Variants in CDK14 observed in about 807,000 individuals in gnomAD.
CDK14 encodes cyclin-dependent kinase 14.
CDK14 carries 34 observed loss-of-function variants against 60.7 expected under a neutral mutation model. The ratio of observed to expected loss-of-function variants is 0.56; its 90% CI spans 0.43 to 0.75. CDK14 has a LOEUF of 0.75. Ranked by LOEUF, CDK14 falls within the 30% of genes least tolerant of loss-of-function variation. The pLI is 0.00. For missense variants in CDK14, 482 were observed against 564.1 expected (o/e 0.85, Z 1.47); for synonymous variants, 197 against 203.7 (o/e 0.97, Z 0.28).
At chr7:90,695,345 C>CTA (rs1375768628) in intron 2 of CDK14, among the ~76,000 whole-genome samples, 4 of 152,228 alleles carry the variant, frequency 2.6e-5, no homozygotes, top group East Asian at 1.9e-4. Context: ...GGCGTCATAC[C>CTA]ATGTGTATTA....
intron 8 of CDK14, among the ~76,000 whole-genome samples, 157 bp downstream of exon 8, chr7:90,917,881 A>G (rs1379362052): frequency 6.6e-6 from 1 of 151,962 alleles, no homozygotes; most frequent in Non-Finnish European, 1.5e-5. Context: ...TTTTAATGAT[A>G]GCATAAAATA....
chr7:90,992,063 G>A (rs1310632911), intron 10 of CDK14, among the ~76,000 whole-genome samples: 2 of 152,232 alleles, frequency 1.3e-5, no homozygotes, highest in Non-Finnish European at 2.9e-5. Flanking sequence ...AGTGGTTCAT[G>A]TGTGGAGACA....
chr7:90,676,489 T>C (rs1436575751), intron 2 of CDK14, among the ~76,000 whole-genome samples: 1 of 151,452 alleles, frequency 6.6e-6, no homozygotes, highest in East Asian at 1.9e-4. Context: ...TGGGTCATGG[T>C]TGGCATCTGC....
chr7:90,610,243 G>A (rs1203422969), intron 2 of CDK14, among the ~76,000 whole-genome samples: 1 of 152,106 alleles, frequency 6.6e-6, no homozygotes, highest in Non-Finnish European at 1.5e-5. Flanking sequence ...CATTTGTAAT[G>A]TACGCTGCCA....
intron 14 of CDK14, among the ~76,000 whole-genome samples, chr7:91,136,115 A>C (rs1322772621): frequency 6.6e-6 from 1 of 152,152 alleles, no homozygotes; most frequent in Non-Finnish European, 1.5e-5. Flanking sequence ...TTATGTCTAA[A>C]ATGGAGGCAA....
intron 7 of CDK14, among the ~76,000 whole-genome samples, chr7:90,908,387 A>T (rs950451827): frequency 6.6e-6 from 1 of 152,190 alleles, no homozygotes; most frequent in African/African-American, 2.4e-5. Context: ...ATTAAACAGT[A>T]CACTCTTTCC....
chr7:91,126,879 T>G (rs1799966664), intron 14 of CDK14, among the ~76,000 whole-genome samples: 2 of 152,050 alleles, frequency 1.3e-5, no homozygotes, highest in African/African-American at 4.8e-5. Flanking sequence ...GGAGTGACTG[T>G]GAAGATCATT....
At chr7:91,127,705 C>G (rs1339705603) in intron 14 of CDK14, among the ~76,000 whole-genome samples, 1 of 151,988 alleles carries the variant, frequency 6.6e-6, no homozygotes, top group African/African-American at 2.4e-5. Flanking sequence ...CATTTCATTG[C>G]TGCCTACATG....
chr7:91,107,789 A>G (rs1245417808), intron 12 of CDK14: 1 of 152,256 alleles, frequency 6.6e-6, no homozygotes, highest in Non-Finnish European at 1.5e-5. Flanking sequence ...CAACTCTTGC[A>G]GTAAATAAAA....
intron 10 of CDK14, among the ~76,000 whole-genome samples, chr7:90,987,733 C>G (rs1795412060): frequency 6.6e-6 from 1 of 151,884 alleles, no homozygotes; most frequent in Admixed American, 6.6e-5. Flanking sequence ...AAAAAAAATG[C>G]TTTTCCTCTG....
intron 2 of CDK14, among the ~76,000 whole-genome samples, chr7:90,655,883 A>G (rs910836349): frequency 1.3e-5 from 2 of 152,180 alleles, no homozygotes; most frequent in Non-Finnish European, 2.9e-5. Context: ...GTCTGTTTCA[A>G]TCTTCTGGTT....
At chr7:90,648,469 C>A (rs17866089) in intron 2 of CDK14, among the ~76,000 whole-genome samples, 43,086 of 151,894 alleles carry the variant, frequency 0.28, 6,445 homozygotes, top group Non-Finnish European at 0.34. Context: ...ACAGGTCAGT[C>A]CTATTGGTAT....
intron 5 of CDK14, among the ~76,000 whole-genome samples, chr7:90,847,756 T>C (rs1790513724): frequency 6.6e-6 from 1 of 152,250 alleles, no homozygotes; most frequent in Non-Finnish European, 1.5e-5. Flanking sequence ...TTATTTCTAA[T>C]ATTTTACTGT....
At chr7:91,089,453 C>T (rs552597660) in intron 12 of CDK14, among the ~76,000 whole-genome samples, 31 of 152,124 alleles carry the variant, frequency 2.0e-4, no homozygotes, top group African/African-American at 7.2e-4. Flanking sequence ...AACCTCCTCC[C>T]CTCTTTTTCA....
At chr7:91,017,304 T>C (rs1796326260) in intron 10 of CDK14, among the ~76,000 whole-genome samples, 1 of 152,206 alleles carries the variant, frequency 6.6e-6, no homozygotes, top group East Asian at 1.9e-4. Flanking sequence ...GCTAAACAGA[T>C]GGACATGATA....
chr7:91,021,573 A>G (rs954002867), intron 10 of CDK14, among the ~76,000 whole-genome samples: 2 of 152,224 alleles, frequency 1.3e-5, no homozygotes, highest in African/African-American at 4.8e-5. Context: ...TCTACTGACT[A>G]GAGAGATAGA....
At chr7:90,602,403 A>G (rs1027682543) in intron 1 of CDK14, among the ~76,000 whole-genome samples, 1 of 152,232 alleles carries the variant, frequency 6.6e-6, no homozygotes, top group African/African-American at 2.4e-5. Context: ...AGTTTTTCAG[A>G]TGAAGCAACT....
chr7:91,120,005 T>G (rs1799733586), intron 14 of CDK14, among the ~76,000 whole-genome samples: 1 of 152,224 alleles, frequency 6.6e-6, no homozygotes, highest in Non-Finnish European at 1.5e-5. Context: ...TTCATGAGGG[T>G]TACAGCATAT....
chr7:91,066,071 C>CT lies in CDK14; in HGVS notation c.1106-13352dup, dbSNP rs200441102. ...CGGCTTTTTGCTTAAATCATTGCTA[C>CT]TTTTTTTTTACCAGCTCAGTAGGAG... On this transcript the variant is annotated intron_variant, in intron 11 of 14. Coordinates refer to ENST00000380050, the MANE Select transcript of CDK14 (RefSeq NM_001287135.2). Among the ~76,000 whole-genome samples, 525 of 151,490 alleles carry CT rather than the reference C, an allele frequency of 3.5e-3. 2 individuals carry two copies. The highest frequency in any genetic ancestry group is 7.0e-3 in the East Asian group (36 of 5,168).
Sources: allele counts gnomAD v4.1 joint callset (sites outside exome capture counted in the v4.1 genomes callset), GRCh38; gene constraint gnomAD v4.1.1; transcripts MANE v1.5; gene names NCBI Gene and HGNC (gene_info 2026-07-23, HGNC 2026-07-21).